Variants in TENM1 observed in about 807,000 individuals in gnomAD.
TENM1 encodes the protein teneurin transmembrane protein 1.
Under a neutral mutation model 174.8 loss-of-function variants are expected in TENM1, and 35 were observed. That is an observed-to-expected ratio of 0.20 (90% CI 0.15 to 0.27). TENM1 has a LOEUF of 0.27. Among genes scored for constraint, TENM1 ranks in the 10% least tolerant of loss-of-function variants. TENM1 has a pLI of 1.00. For synonymous variants in TENM1, 781 were observed against 798.7 expected (o/e 0.98, Z 0.37); for missense variants, 1,633 against 2,130.1 (o/e 0.77, Z 4.59).
intron 18 of TENM1, among the ~76,000 whole-genome samples, chrX:124,516,997 G>A (rs2047719478): frequency 9.0e-6 from 1 of 111,446 alleles, no homozygotes; most frequent in African/African-American, 3.3e-5. Context: ...TGTCTTTTGC[G>A]GGAACATGGA....
At chrX:124,685,507 G>C (rs2052339488) in intron 5 of TENM1, among the ~76,000 whole-genome samples, 1 of 110,440 alleles carries the variant, frequency 9.1e-6, no homozygotes, top group South Asian at 3.8e-4. Flanking sequence ...AGGAACGAAA[G>C]GAAGGACAAA....
chrX:124,770,894 T>A (rs990275104), intron 3 of TENM1, among the ~76,000 whole-genome samples: 1 of 111,779 alleles, frequency 8.9e-6, no homozygotes, highest in Non-Finnish European at 1.9e-5. Flanking sequence ...AAAAATTATT[T>A]CACCTACATA....
chrX:124,653,033 G>A (rs919288354), intron 7 of TENM1, among the ~76,000 whole-genome samples: 3 of 111,428 alleles, frequency 2.7e-5, no homozygotes, highest in Non-Finnish European at 5.6e-5. Context: ...CTCGAAATGG[G>A]TTCATGTGGG....
At chrX:125,155,046 C>T in the TENM1 span, among the ~76,000 whole-genome samples, 1 of 111,685 alleles carries the variant, frequency 9.0e-6, no homozygotes, top group African/African-American at 3.3e-5. Flanking sequence ...TGCTTTTATT[C>T]TCTTACCTGG....
At chrX:124,585,615 C>T (rs1215348930) in intron 11 of TENM1, among the ~76,000 whole-genome samples, 1 of 110,632 alleles carries the variant, frequency 9.0e-6, no homozygotes, top group African/African-American at 3.3e-5. Context: ...CCTAACATCA[C>T]AATTAAAAGA....
At chrX:124,505,380 G>A (rs1471136764) in intron 18 of TENM1, among the ~76,000 whole-genome samples, 1 of 111,806 alleles carries the variant, frequency 8.9e-6, no homozygotes, top group African/African-American at 3.2e-5. Context: ...TCTATTAACA[G>A]TGGAAATAGA....
the TENM1 span, among the ~76,000 whole-genome samples, chrX:125,061,270 G>A: frequency 9.0e-6 from 1 of 111,261 alleles, no homozygotes; most frequent in South Asian, 3.8e-4. Flanking sequence ...CTGAGTACTT[G>A]CTCCATGCCA....
chrX:125,128,179 A>G, the TENM1 span, among the ~76,000 whole-genome samples: 1 of 111,432 alleles, frequency 9.0e-6, no homozygotes, highest in African/African-American at 3.3e-5. Context: ...TTTTTGATCT[A>G]TTAAAACATC....
At chrX:124,407,016 G>T (rs2060470740) in intron 25 of TENM1, among the ~76,000 whole-genome samples, 2 of 111,744 alleles carry the variant, frequency 1.8e-5, no homozygotes, top group African/African-American at 6.5e-5. Context: ...AAATGAACAG[G>T]CACAGAGGAT....
At chrX:125,131,186 G>T in the TENM1 span, among the ~76,000 whole-genome samples, 1 of 112,121 alleles carries the variant, frequency 8.9e-6, no homozygotes, top group East Asian at 2.8e-4. Flanking sequence ...CTAAGCTACT[G>T]TGGTTAACAC....
At chrX:124,750,386 T>TA (rs1427713914) in intron 3 of TENM1, among the ~76,000 whole-genome samples, 1 of 111,711 alleles carries the variant, frequency 9.0e-6, no homozygotes, top group Non-Finnish European at 1.9e-5. Flanking sequence ...ATAAGTGACC[T>TA]ACAAAGTTTT....
At chrX:124,603,435 A>G (rs759315125) in intron 11 of TENM1, among the ~76,000 whole-genome samples, 1 of 111,629 alleles carries the variant, frequency 9.0e-6, no homozygotes, top group African/African-American at 3.2e-5. Flanking sequence ...ATGCAAATGA[A>G]TTATTTTCCT....
chrX:125,000,314 C>T, the TENM1 span, among the ~76,000 whole-genome samples: 2 of 111,106 alleles, frequency 1.8e-5, no homozygotes. Context: ...TACTATCTGA[C>T]GTAGAGCAAG....
At chrX:124,870,730 G>A (rs757378306) in intron 3 of TENM1, among the ~76,000 whole-genome samples, 2 of 110,315 alleles carry the variant, frequency 1.8e-5, no homozygotes, top group East Asian at 5.7e-4. Context: ...AAGGAGGTGA[G>A]GTAACAAGGA....
At chrX:124,541,740 G>A (rs758382216) in intron 15 of TENM1, among the ~76,000 whole-genome samples, 31 of 111,961 alleles carry the variant, frequency 2.8e-4, no homozygotes, top group Non-Finnish European at 4.3e-4. Flanking sequence ...AGGATCTGGG[G>A]ATACAGTGGT....
chrX:124,764,827 T>C (rs2054504649), intron 3 of TENM1, among the ~76,000 whole-genome samples: 1 of 110,738 alleles, frequency 9.0e-6, no homozygotes, highest in Non-Finnish European at 1.9e-5. Flanking sequence ...AGTATACCTT[T>C]GCATATTTCC....
intron 3 of TENM1, among the ~76,000 whole-genome samples, chrX:124,829,048 C>T: frequency 8.9e-6 from 1 of 111,878 alleles, no homozygotes; most frequent in East Asian, 2.8e-4. Context: ...TTCCCACACA[C>T]ATATGTACAA....
intron 31 of TENM1, among the ~76,000 whole-genome samples, chrX:124,381,754 A>G (rs771509325): frequency 3.6e-5 from 4 of 111,913 alleles, no homozygotes; most frequent in Non-Finnish European, 3.8e-5. Context: ...AATCAGCCAG[A>G]AATTCATTGA....
the TENM1 span, among the ~76,000 whole-genome samples, chrX:125,066,518 A>G: frequency 8.9e-6 from 1 of 111,781 alleles, no homozygotes; most frequent in Non-Finnish European, 1.9e-5. Flanking sequence ...GAGAATACCA[A>G]GGTTATATAA....
Sources: gnomAD v4.1 joint callset for allele counts (sites outside exome capture counted in the v4.1 genomes callset) on GRCh38, gnomAD v4.1.1 for gene constraint, MANE v1.5 for transcripts, NCBI Gene and HGNC (gene_info 2026-07-23, HGNC 2026-07-21) for gene names.